Variants in OR2L13 observed in about 807,000 individuals in gnomAD.
OR2L13 encodes the protein olfactory receptor 2L13.
A neutral mutation model predicts 15.3 loss-of-function variants in OR2L13; 14 were observed. The ratio of observed to expected loss-of-function variants is 0.91; its 90% CI spans 0.60 to 1.43. OR2L13 has a LOEUF of 1.43. OR2L13 is among the 40% of genes most tolerant of loss of function. OR2L13 has a pLI of 0.00. For missense variants in OR2L13, 367 were observed against 387.9 expected (o/e 0.95, Z 0.45); for synonymous variants, 152 against 142.9 (o/e 1.06, Z -0.45).
At chr1:247,940,973 G>C in the OR2L13 span, among the ~76,000 whole-genome samples, 1 of 151,860 alleles carries the variant, frequency 6.6e-6, no homozygotes. Context: ...TCTCATTGTG[G>C]TTTTGATTTG....
the OR2L13 span, among the ~76,000 whole-genome samples, chr1:248,082,548 G>A: frequency 2.3e-4 from 35 of 152,212 alleles, no homozygotes; most frequent in African/African-American, 8.4e-4. Flanking sequence ...TTACGTACAG[G>A]AAATATAGCC....
the OR2L13 span, among the ~76,000 whole-genome samples, chr1:247,961,410 G>A: frequency 0.8 from 121,460 of 152,102 alleles, 52,677 homozygotes; most frequent in South Asian, 0.95. Flanking sequence ...ATTGACTTGA[G>A]GCAGATAGAT....
the OR2L13 span, among the ~76,000 whole-genome samples, chr1:248,089,925 C>A: frequency 6.6e-6 from 1 of 152,128 alleles, no homozygotes; most frequent in Non-Finnish European, 1.5e-5. Context: ...TTTGAATCTC[C>A]CTATGATGTG....
At chr1:248,043,767 C>T in the OR2L13 span, among the ~76,000 whole-genome samples, 1 of 152,002 alleles carries the variant, frequency 6.6e-6, no homozygotes, top group African/African-American at 2.4e-5. Context: ...CAGAGTAGGG[C>T]GTTCCCGAAA....
chr1:248,012,305 C>T, the OR2L13 span, among the ~76,000 whole-genome samples: 2 of 152,032 alleles, frequency 1.3e-5, no homozygotes, highest in Non-Finnish European at 2.9e-5. Context: ...CCTGGTGGTC[C>T]CCTGAAGATG....
chr1:247,961,934 A>G, the OR2L13 span, among the ~76,000 whole-genome samples: 1 of 152,192 alleles, frequency 6.6e-6, no homozygotes, highest in Non-Finnish European at 1.5e-5. Context: ...AAAATTCAGA[A>G]TCTTACTTGT....
the OR2L13 span, among the ~76,000 whole-genome samples, chr1:248,018,950 A>T: frequency 6.6e-6 from 1 of 152,182 alleles, no homozygotes; most frequent in Non-Finnish European, 1.5e-5. Context: ...ATCAAAGTTC[A>T]TCTATGTTGT....
the OR2L13 span, among the ~76,000 whole-genome samples, chr1:247,946,391 G>A: frequency 6.6e-6 from 1 of 152,154 alleles, no homozygotes; most frequent in African/African-American, 2.4e-5. Flanking sequence ...GGACTGTAGT[G>A]TCTTGTTCCA....
At chr1:247,969,239 G>A in the OR2L13 span, among the ~76,000 whole-genome samples, 11,452 of 151,938 alleles carry the variant, frequency 0.075, 948 homozygotes, top group African/African-American at 0.21. Context: ...TAGATTCTGG[G>A]TATTAGCCCT....
chr1:248,030,658 T>A, the OR2L13 span, among the ~76,000 whole-genome samples: 1 of 152,198 alleles, frequency 6.6e-6, no homozygotes, highest in Non-Finnish European at 1.5e-5. Context: ...ACGATGCTCA[T>A]TATAATCTTA....
chr1:248,032,886 A>ACTAAGG, the OR2L13 span, among the ~76,000 whole-genome samples: 3 of 152,182 alleles, frequency 2.0e-5, no homozygotes, highest in African/African-American at 7.2e-5. Context: ...TGGAACCTAT[A>ACTAAGG]CTAACTCTGT....
the OR2L13 span, among the ~76,000 whole-genome samples, chr1:248,071,566 C>G: frequency 0.059 from 8,976 of 152,068 alleles, 876 homozygotes; most frequent in African/African-American, 0.21. Flanking sequence ...AAAACTGGCA[C>G]AAGACAGGGA....
the OR2L13 span, among the ~76,000 whole-genome samples, chr1:248,014,441 G>T: frequency 8.5e-5 from 13 of 152,090 alleles, no homozygotes; most frequent in Non-Finnish European, 1.5e-5. Flanking sequence ...GTGACAAATT[G>T]TAGTGCTTTG....
chr1:248,088,727 T>C, the OR2L13 span, among the ~76,000 whole-genome samples: 2 of 152,216 alleles, frequency 1.3e-5, no homozygotes, highest in Admixed American at 1.3e-4. Context: ...TATTTAGTGC[T>C]CTGGGTGAAT....
chr1:247,938,098 A>G, the OR2L13 span, among the ~76,000 whole-genome samples: 1 of 152,136 alleles, frequency 6.6e-6, no homozygotes, highest in Non-Finnish European at 1.5e-5. Context: ...TAATGTTCAT[A>G]ATTTAGACAT....
the OR2L13 span, among the ~76,000 whole-genome samples, chr1:247,968,525 T>C: frequency 1.8e-4 from 17 of 94,244 alleles, no homozygotes; most frequent in African/African-American, 5.7e-4. Flanking sequence ...CCCAGGTGAG[T>C]GATGTTCCCC....
chr1:247,985,872 AT>A, the OR2L13 span, among the ~76,000 whole-genome samples: 12,270 of 152,156 alleles, frequency 0.081, 616 homozygotes, highest in East Asian at 0.16. Flanking sequence ...GATGATAAGC[AT>A]TTTTTCATGT....
the OR2L13 span, among the ~76,000 whole-genome samples, chr1:247,993,443 G>A: frequency 5.6e-3 from 845 of 151,100 alleles, 13 homozygotes; most frequent in Middle Eastern, 0.024. Flanking sequence ...AGGAATAAGT[G>A]TGTAGGTTCT....
At chr1:248,094,687 C>T (rs116318497), upstream of OR2L13, among the ~76,000 whole-genome samples, 1,679 of 152,174 alleles carry the variant, frequency 0.011, 27 homozygotes, top group African/African-American at 0.038. Flanking sequence ...ATTATCTACC[C>T]CCACCTAACA....
Sources: gnomAD v4.1 joint callset for allele counts (sites outside exome capture counted in the v4.1 genomes callset) on GRCh38, gnomAD v4.1.1 for gene constraint, MANE v1.5 for transcripts, NCBI Gene and HGNC (gene_info 2026-07-23, HGNC 2026-07-21) for gene names.